CCSER1: variants seen among roughly 807,000 people sequenced by gnomAD.
The protein encoded by CCSER1 is serine-rich coiled-coil domain-containing protein 1.
In CCSER1, 41 loss-of-function variants were observed where a neutral mutation model predicts 82.0. The observed-to-expected ratio is 0.50, with a 90% CI of 0.39 to 0.65. CCSER1 has a LOEUF of 0.65. Ranked by LOEUF, CCSER1 falls within the 30% of genes least tolerant of loss-of-function variation. The pLI is 0.00. For synonymous variants in CCSER1, 414 were observed against 383.9 expected, an observed-to-expected ratio of 1.08 and a Z score of -0.92; for missense variants, 1,119 against 1,064.2, an observed-to-expected ratio of 1.05 and a Z score of -0.72.
At chr4:90,895,072 G>A (rs1723510819) in intron 8 of CCSER1, among the ~76,000 whole-genome samples, 1 of 151,930 alleles carries the variant, frequency 6.6e-6, no homozygotes, top group South Asian at 2.1e-4. Flanking sequence ...TGCTTCAGGT[G>A]TAAATATTTA....
At position 90,536,588 on chromosome 4, in the gene CCSER1, C is replaced by A. The variant is rs72885066; in HGVS notation, c.1724+68234C>A. ...GATGTGTATTTGGAGTCAGTCTGTACCTTGACCTTGATTACTCTAAATGAG... is the reference window on the plus strand; with the variant it reads ...GATGTGTATTTGGAGTCAGTCTGTAACTTGACCTTGATTACTCTAAATGAG... On this transcript the variant is annotated intron_variant, in intron 5 of 10. Transcript: ENST00000509176. Among the ~76,000 whole-genome samples, 1,137 of 152,184 alleles carry A rather than the reference C, an allele frequency of 7.5e-3. 18 individuals carry two copies. Among genetic ancestry groups the A allele is most frequent in the African/African-American group, 0.026 (1,073 of 41,518 alleles).
intron 9 of CCSER1, among the ~76,000 whole-genome samples, chr4:90,943,040 A>G (rs1266760431): frequency 6.6e-6 from 1 of 151,476 alleles, no homozygotes; most frequent in Non-Finnish European, 1.5e-5. Flanking sequence ...CCTGGAAGGT[A>G]TATGTGCTAA....
intron 5 of CCSER1, among the ~76,000 whole-genome samples, chr4:90,514,636 A>G (rs1771998728): frequency 6.6e-6 from 1 of 152,008 alleles, no homozygotes; most frequent in Admixed American, 6.6e-5. Flanking sequence ...GGTGCCGGTA[A>G]TCTCTGCTGT....
In CCSER1 at chr4:90,303,139, C is replaced by T. The variant is rs182204690; in HGVS notation, c.-41-5105C>T. ...ATAATGTGCAGATATCTTTTAGTATCTATGATGTTTTTACTTAAAGAAACT... is the reference window on the plus strand; with the variant it reads ...ATAATGTGCAGATATCTTTTAGTATTTATGATGTTTTTACTTAAAGAAACT... On this transcript the variant is annotated intron_variant, in intron 1 of 10. Coordinates refer to ENST00000509176, the MANE Select transcript of CCSER1 (RefSeq NM_001145065.2). Among the ~76,000 whole-genome samples, 28 of 152,248 alleles carry T rather than the reference C, an allele frequency of 1.8e-4. No individual in the cohort carries two copies. The South Asian group carries it at 2.7e-3, about 15-fold the overall frequency.
intron 10 of CCSER1, among the ~76,000 whole-genome samples, chr4:91,133,632 AC>A (rs1728195945): frequency 6.6e-6 from 1 of 152,170 alleles, no homozygotes; most frequent in Admixed American, 6.6e-5. Context: ...ATATTTCCTA[AC>A]CATGTCTTTT....
chr4:90,493,878 T>C (rs986430814), intron 5 of CCSER1, among the ~76,000 whole-genome samples: 5 of 152,182 alleles, frequency 3.3e-5, no homozygotes, highest in African/African-American at 1.2e-4. Flanking sequence ...AATAATCCGC[T>C]AACATCATAA....
At chr4:90,858,548 G>A (rs1422776901) in intron 8 of CCSER1, among the ~76,000 whole-genome samples, 11 of 151,944 alleles carry the variant, frequency 7.2e-5, no homozygotes, top group African/African-American at 2.7e-4. Flanking sequence ...TTTGGAGATA[G>A]TATTGCCTGT....
At chr4:90,767,853 A>T (rs1341888070) in intron 7 of CCSER1, among the ~76,000 whole-genome samples, 1 of 151,686 alleles carries the variant, frequency 6.6e-6, no homozygotes, top group Non-Finnish European at 1.5e-5. Flanking sequence ...TTTTTTTGCC[A>T]TGTTGCCCAG....
intron 10 of CCSER1, among the ~76,000 whole-genome samples, chr4:91,344,033 T>C (rs1222260595): frequency 6.6e-6 from 1 of 152,216 alleles, no homozygotes; most frequent in Non-Finnish European, 1.5e-5. Context: ...GCAGCTACTA[T>C]GGTTGGATGT....
At chr4:90,652,588 T>C in intron 6 of CCSER1, among the ~76,000 whole-genome samples, 1 of 152,066 alleles carries the variant, frequency 6.6e-6, no homozygotes, top group Admixed American at 6.6e-5. Context: ...AGGAGAACAA[T>C]ATTCTTTTTC....
At chr4:90,272,468 A>G (rs1726722467) in intron 1 of CCSER1, among the ~76,000 whole-genome samples, 1 of 152,198 alleles carries the variant, frequency 6.6e-6, no homozygotes, top group Non-Finnish European at 1.5e-5. Flanking sequence ...GGGAATGTAA[A>G]TTAATACAAC....
intron 10 of CCSER1, among the ~76,000 whole-genome samples, chr4:91,485,887 T>A (rs1758193955): frequency 6.6e-6 from 1 of 152,088 alleles, no homozygotes; most frequent in Non-Finnish European, 1.5e-5. Context: ...CCAAAAAGAC[T>A]AATAATTTTT....
intron 7 of CCSER1, among the ~76,000 whole-genome samples, chr4:90,814,912 A>G (rs1339604816): frequency 6.6e-6 from 1 of 151,864 alleles, no homozygotes; most frequent in South Asian, 2.1e-4. Flanking sequence ...AACTGTTCCA[A>G]CCTCTGCCCA....
At chr4:91,089,697 T>C (rs573707555) in intron 10 of CCSER1, among the ~76,000 whole-genome samples, 9 of 152,310 alleles carry the variant, frequency 5.9e-5, no homozygotes, top group African/African-American at 2.2e-4. Flanking sequence ...CAGGTTCCTA[T>C]TACTATTATA....
At chr4:91,532,021 A>G (rs1488261440) in intron 10 of CCSER1, among the ~76,000 whole-genome samples, 2 of 152,142 alleles carry the variant, frequency 1.3e-5, no homozygotes, top group African/African-American at 4.8e-5. Flanking sequence ...CCTACAAACA[A>G]TGACATATTA....
chr4:91,445,786 A>C (rs939759300), intron 10 of CCSER1, among the ~76,000 whole-genome samples: 1 of 152,032 alleles, frequency 6.6e-6, no homozygotes, highest in African/African-American at 2.4e-5. Flanking sequence ...AATTGGCCCA[A>C]GTTGGAGAAG....
chr4:90,623,963 C>A (rs17017291), intron 5 of CCSER1, among the ~76,000 whole-genome samples: 1 of 152,042 alleles, frequency 6.6e-6, no homozygotes, highest in Non-Finnish European at 1.5e-5. Flanking sequence ...TAACCTGAAC[C>A]TTTTTAAAAT....
intron 7 of CCSER1, chr4:90,780,365 G>C (rs1331443150): frequency 4.2e-6 from 6 of 1,414,120 alleles, no homozygotes; most frequent in Non-Finnish European, 5.9e-6. Context: ...TTTCATTGAT[G>C]ATCCCCAAAA....
intron 10 of CCSER1, among the ~76,000 whole-genome samples, chr4:91,208,719 A>G (rs930466032): frequency 2.0e-4 from 30 of 151,812 alleles, no homozygotes; most frequent in African/African-American, 6.8e-4. Flanking sequence ...TTTGTTCTGT[A>G]TGAATTTTAG....
Sources: gnomAD v4.1 joint callset for allele counts (sites outside exome capture counted in the v4.1 genomes callset) on GRCh38, gnomAD v4.1.1 for gene constraint, MANE v1.5 for transcripts, NCBI Gene and HGNC (gene_info 2026-07-23, HGNC 2026-07-21) for gene names.